CD244: variants seen among roughly 807,000 people sequenced by gnomAD.
The protein encoded by CD244 is CD244 molecule.
CD244 carries 20 observed loss-of-function variants against 45.5 expected under a neutral mutation model. The ratio of observed to expected loss-of-function variants is 0.44; its 90% CI spans 0.31 to 0.64. The LOEUF (loss-of-function observed/expected upper bound fraction) is 0.64. Among genes scored for constraint, CD244 ranks in the 30% least tolerant of loss-of-function variants. CD244 has a pLI of 0.08. For synonymous variants in CD244, 185 were observed against 160.5 expected (o/e 1.15, Z -1.15); for missense variants, 407 against 426.9 (o/e 0.95, Z 0.41).
chr1:160,838,459 T>C lies in CD244; in HGVS notation c.826A>G (p.Arg276Gly). ...CCTCCGGGATGACATACGTGATTTC[T>C]CCTGGTTTTCAGATCCTTGACATCT... ...YEDVKDLKTRRNHEQEQTFPG... is the reference protein window; with the variant it reads ...YEDVKDLKTRGNHEQEQTFPG... The change falls in exon 5 of 9, where the codon AGA (arginine) becomes GGA (glycine). Residue 276 changes from arginine (R) to glycine (G), a missense_variant. Physicochemically the swap from Arg to Gly is moderately radical, Grantham distance 125. Transcript: ENST00000368034. 6.2e-7 allele frequency: 1 copy of C among 1,612,592 alleles called. No homozygotes were observed. Among genetic ancestry groups the C allele is most frequent in the South Asian group, 1.1e-5 (1 of 91,042 alleles).
At chr1:160,856,352 G>A (rs1670105264) in intron 1 of CD244, among the ~76,000 whole-genome samples, 1 of 152,100 alleles carries the variant, frequency 6.6e-6, no homozygotes, top group South Asian at 2.1e-4. Context: ...CTTTGCATCA[G>A]TTAACCAAAT....
chr1:160,861,979 A>C (rs772553424), intron 1 of CD244, among the ~76,000 whole-genome samples: 1 of 152,252 alleles, frequency 6.6e-6, no homozygotes, highest in Non-Finnish European at 1.5e-5. Context: ...GATCCCCAGG[A>C]GTAAATGTTA....
At chr1:160,836,160 A>G (rs761197912) in intron 6 of CD244, 35 bp downstream of exon 6, 2 of 1,514,342 alleles carry the variant, frequency 1.3e-6, no homozygotes, top group Non-Finnish European at 1.8e-6. Context: ...CCCCAGAGAT[A>G]GGTATGGAAT....
intron 1 of CD244, among the ~76,000 whole-genome samples, chr1:160,858,326 G>C (rs1253465502): frequency 1.3e-5 from 2 of 152,124 alleles, no homozygotes; most frequent in Non-Finnish European, 2.9e-5. Flanking sequence ...ACCACTCCCT[G>C]AGAAGTGACA....
chr1:160,858,782 T>A (rs1670194975), intron 1 of CD244, among the ~76,000 whole-genome samples: 1 of 152,238 alleles, frequency 6.6e-6, no homozygotes, highest in Non-Finnish European at 1.5e-5. Context: ...TACTTGCCAC[T>A]GAATCCTCAA....
At chr1:160,834,141 T>C (rs1669239295) in intron 6 of CD244, 25 bp from the exon 7 acceptor site, 1 of 1,506,658 alleles carries the variant, frequency 6.6e-7, no homozygotes, top group Non-Finnish European at 9.2e-7. Context: ...AATAAAATCA[T>C]TTCAGAAGCA....
rs559269462 is a variant in CD244 at position 160,853,134 on chromosome 1, G to A, written c.61+9483C>T. On this transcript the variant is annotated intron_variant, in intron 1 of 8. Transcript: ENST00000368034. ...GAGAAAAAACCCAAATGTCTATCAC[G>A]ATTAGATGAGCAAATAAATCGTGTT... 2.2e-4 allele frequency among the ~76,000 whole-genome samples: 34 copies of A among 152,204 alleles called. 1 individual carries two copies. In the East Asian group the frequency reaches 2.5e-3, roughly 11 times the overall value.
chr1:160,861,795 C>T (rs556360755), intron 1 of CD244, among the ~76,000 whole-genome samples: 2 of 152,078 alleles, frequency 1.3e-5, no homozygotes, highest in Admixed American at 1.3e-4. Context: ...CAAGATCACG[C>T]CACTGCACTC....
At chr1:160,857,598 C>T (rs1400335915) in intron 1 of CD244, among the ~76,000 whole-genome samples, 1 of 152,104 alleles carries the variant, frequency 6.6e-6, no homozygotes, top group East Asian at 1.9e-4. Context: ...AGAATTGTGG[C>T]TATATTTATG....
intron 1 of CD244, among the ~76,000 whole-genome samples, chr1:160,849,893 T>A (rs1669861882): frequency 6.6e-6 from 1 of 151,980 alleles, no homozygotes; most frequent in Admixed American, 6.6e-5. Context: ...TCACCTGAAA[T>A]CCCAGCTACT....
chr1:160,836,274 G>A lies in CD244; in HGVS notation c.835-20C>T. On this transcript the variant is annotated intron_variant, in intron 5 of 8. Coordinates refer to ENST00000368034, the MANE Select transcript of CD244 (RefSeq NM_016382.4). ...CTGCTCCTGCACAAGAAATGGAGAT[G>A]GGGTAACATGAGCGACAGTTCGGTC... 6.2e-7 allele frequency: 1 copy of A among 1,601,566 alleles called. No homozygotes were observed. The highest frequency in any genetic ancestry group is 1.1e-5 in the South Asian group (1 of 90,674).
chr1:160,841,967 G>A, intron 1 of CD244, 66 bp from the exon 2 acceptor site: 5 of 1,407,208 alleles, frequency 3.6e-6, no homozygotes, highest in Non-Finnish European at 5.0e-6. Flanking sequence ...GTGGGCAGCT[G>A]GATGTGACTT....
intron 4 of CD244, 105 bp from the exon 5 acceptor site, chr1:160,838,623 G>A (rs111332135): frequency 0.02 from 16,837 of 834,056 alleles, 245 homozygotes; most frequent in Non-Finnish European, 0.026. Context: ...CTTAAAAAAG[G>A]TTCTAGAAAG....
At chr1:160,856,088 A>G (rs879364186) in intron 1 of CD244, among the ~76,000 whole-genome samples, 2 of 152,200 alleles carry the variant, frequency 1.3e-5, no homozygotes, top group Non-Finnish European at 2.9e-5. Flanking sequence ...TTGTGCTACC[A>G]GGCTTGGGGT....
chr1:160,848,536 G>A (rs1669813082), intron 1 of CD244: 1 of 418,336 alleles, frequency 2.4e-6, no homozygotes, highest in Non-Finnish European at 4.6e-6. Flanking sequence ...TCATTTCAGA[G>A]AAGTTCCTGC....
At chr1:160,857,785 A>T (rs1473421717) in intron 1 of CD244, among the ~76,000 whole-genome samples, 3 of 152,206 alleles carry the variant, frequency 2.0e-5, no homozygotes, top group East Asian at 1.9e-4. Context: ...AGTGGCCCAC[A>T]TCTGTAATCC....
At chr1:160,843,267 C>T (rs1669611613) in intron 1 of CD244, among the ~76,000 whole-genome samples, 1 of 152,164 alleles carries the variant, frequency 6.6e-6, no homozygotes, top group South Asian at 2.1e-4. Context: ...TGGCTCTGCC[C>T]ATTAGCAAAC....
At chr1:160,854,384 GT>G (rs1189687761) in intron 1 of CD244, among the ~76,000 whole-genome samples, 1 of 151,880 alleles carries the variant, frequency 6.6e-6, no homozygotes, top group African/African-American at 2.4e-5. Context: ...AGACTTCTTT[GT>G]TTGTTTGTTT....
chr1:160,860,066 G>C (rs923313388), intron 1 of CD244, among the ~76,000 whole-genome samples: 2 of 152,100 alleles, frequency 1.3e-5, no homozygotes, highest in Non-Finnish European at 2.9e-5. Context: ...AATTAGCCAG[G>C]CTTGGTGGCA....
Sources: allele counts gnomAD v4.1 joint callset (sites outside exome capture counted in the v4.1 genomes callset), GRCh38; gene constraint gnomAD v4.1.1; transcripts MANE v1.5; gene names NCBI Gene and HGNC (gene_info 2026-07-23, HGNC 2026-07-21).